Variants in KDM1B observed in about 807,000 individuals in gnomAD.
KDM1B encodes the protein lysine demethylase 1B, also known as lysine-specific histone demethylase 2.
A neutral mutation model predicts 107.4 loss-of-function variants in KDM1B; 63 were observed. That is an observed-to-expected ratio of 0.59 (90% CI 0.48 to 0.72). KDM1B has a LOEUF of 0.72. Ranked by LOEUF, KDM1B falls within the 30% of genes least tolerant of loss-of-function variation. The pLI is 0.00. For missense variants in KDM1B, 749 were observed against 1,020.8 expected, an observed-to-expected ratio of 0.73 and a Z score of 3.63; for synonymous variants, 363 against 363.9, an observed-to-expected ratio of 1.00 and a Z score of 0.03.
chr6:18,176,100 C>T (rs1785987031), intron 7 of KDM1B, among the ~76,000 whole-genome samples: 1 of 151,724 alleles, frequency 6.6e-6, no homozygotes, highest in South Asian at 2.1e-4. Context: ...CCGTGAGCAT[C>T]CATTTGTTTG....
chr6:18,222,330 G>C lies in KDM1B; in HGVS notation c.*338G>C, dbSNP rs577170883. The C allele has an allele frequency of 2.8e-4, 104 of 368,160 alleles. 1 individual carries two copies. Among genetic ancestry groups the C allele is most frequent in the Middle Eastern group, 2.4e-3 (3 of 1,262 alleles). 22.8% of individuals were successfully genotyped at this position (368,160 alleles called of 1,614,324 possible). On this transcript the variant is annotated 3_prime_UTR_variant, in exon 22 of 22. Coordinates refer to ENST00000650836, the MANE Select transcript of KDM1B (RefSeq NM_001364614.2). ...TTTAGATTTCACATTTTATATGGCT[G>C]ATCAATTTTCATACATTGAGAAACC...
chr6:18,223,081 A>G lies in KDM1B; in HGVS notation c.*1089A>G, dbSNP rs1789889613. On this transcript the variant is annotated 3_prime_UTR_variant, in exon 22 of 22. Transcript: ENST00000650836. ...CAGTTTAATAATATCTCATTCTAAAATAAAACACTGGTTGCAGGGTCTTCA... is the reference window on the plus strand; with the variant it reads ...CAGTTTAATAATATCTCATTCTAAAGTAAAACACTGGTTGCAGGGTCTTCA... 6.6e-6 allele frequency: 1 copy of G among 152,608 alleles called. No individual in the cohort carries two copies. Among genetic ancestry groups the G allele is most frequent in the African/African-American group, 2.4e-5 (1 of 41,436 alleles). The allele number at this position is 152,608 out of a possible 1,614,324, so 9.5% of individuals were successfully genotyped here.
intron 2 of KDM1B, among the ~76,000 whole-genome samples, chr6:18,157,725 A>G (rs1784714336): frequency 6.6e-6 from 1 of 151,498 alleles, no homozygotes; most frequent in Admixed American, 6.6e-5. Context: ...TGTGTCTATG[A>G]AGAGATTTGT....
chr6:18,163,753 T>C, intron 5 of KDM1B, among the ~76,000 whole-genome samples: 1 of 152,224 alleles, frequency 6.6e-6, no homozygotes. Context: ...GTTACTGATT[T>C]CTAGTTTAGT....
Position 18,170,412 on chromosome 6 carries a change from G to A in KDM1B, c.418-951G>A, listed in dbSNP as rs144344034. On this transcript the variant is annotated intron_variant, in intron 6 of 21. Transcript: ENST00000650836. ...TTCTTTTACTGTTCTAGGATCCAAC[G>A]CAGCATACCACATTGCATTTAGTAT... 1.6e-3 allele frequency among the ~76,000 whole-genome samples: 242 copies of A among 152,084 alleles called. 2 individuals carry two copies. The highest frequency in any genetic ancestry group is 5.0e-3 in the African/African-American group (207 of 41,466).
intron 7 of KDM1B, among the ~76,000 whole-genome samples, chr6:18,175,473 A>G (rs1272331503): frequency 6.6e-6 from 1 of 152,034 alleles, no homozygotes; most frequent in Non-Finnish European, 1.5e-5. Context: ...GCCTTGCAAA[A>G]GCTCTTTAAA....
rs202066348 is a variant in KDM1B, at chr6:18,214,992, C to T, written c.2110-15C>T. The T allele has an allele frequency of 3.1e-6, 5 of 1,613,074 alleles. No individual in the cohort carries two copies. Among genetic ancestry groups the T allele is most frequent in the Non-Finnish European group, 4.2e-6 (5 of 1,179,592 alleles). On this transcript the variant is annotated splice_polypyrimidine_tract_variant and intron_variant, in intron 19 of 21. Transcript: ENST00000650836. The surrounding 1 kb of genome is among the most constrained non-coding windows in gnomAD (Gnocchi z 4.4). ...AGCACTCACAGACCTCCTGCTTTTC[C>T]TTTCATGTCTCCAGAAGAAGCACAG...
intron 2 of KDM1B, among the ~76,000 whole-genome samples, chr6:18,156,556 AT>A (rs761617180): frequency 8.4e-4 from 128 of 152,236 alleles, no homozygotes; most frequent in Middle Eastern, 3.4e-3. Flanking sequence ...ACCATCAATA[AT>A]TATTTGCCTT....
chr6:18,219,815 C>T (rs1789539858), intron 21 of KDM1B, among the ~76,000 whole-genome samples: 1 of 152,288 alleles, frequency 6.6e-6, no homozygotes, highest in Non-Finnish European at 1.5e-5. Flanking sequence ...CAGTTAGTTT[C>T]CTGTGTGGTG....
At chr6:18,216,069 T>A (rs2151036783) in intron 20 of KDM1B, among the ~76,000 whole-genome samples, 1 of 152,320 alleles carries the variant, frequency 6.6e-6, no homozygotes, top group East Asian at 1.9e-4. Context: ...ATGTTGCTTA[T>A]TTTATTTCAT....
chr6:18,198,129 C>G (rs983411732), intron 12 of KDM1B, among the ~76,000 whole-genome samples: 5 of 152,058 alleles, frequency 3.3e-5, no homozygotes, highest in South Asian at 2.1e-4. Context: ...CTCCTGACCT[C>G]AAGTGATCTG....
Position 18,159,592 on chromosome 6 carries a change from T to TA in KDM1B, c.-13-290dup, listed in dbSNP as rs1179513078. Among the ~76,000 whole-genome samples, 1 of 152,130 alleles carries TA rather than the reference T, an allele frequency of 6.6e-6. No homozygotes were observed. The highest frequency in any genetic ancestry group is 2.4e-5 in the African/African-American group (1 of 41,424). On this transcript the variant is annotated intron_variant, in intron 2 of 21. Coordinates refer to ENST00000650836, the MANE Select transcript of KDM1B (RefSeq NM_001364614.2). This position sits in a 1 kb window ranked among gnomAD's most constrained non-coding sequence, Gnocchi z 4.5. ...TTTTATGTGTGAGAACACTGAGGCT[T>TA]AGAGAGGTTAAGAACTTGAAAATGG...
rs753495392 is a variant in KDM1B at position 18,197,677 on chromosome 6, C to T, written c.1221+16C>T. On this transcript the variant is annotated intron_variant, in intron 12 of 21. Transcript: ENST00000650836. This position sits in a 1 kb window ranked among gnomAD's most constrained non-coding sequence, Gnocchi z 4.5. ...TGGAATTAAGGTAGGATTTTGGGGACATGGAGTTAGAACAGATGGTTGACT... is the reference window on the plus strand; with the variant it reads ...TGGAATTAAGGTAGGATTTTGGGGATATGGAGTTAGAACAGATGGTTGACT... The T allele has an allele frequency of 6.2e-7, 1 of 1,604,778 alleles. No homozygotes were observed. Among genetic ancestry groups the T allele is most frequent in the South Asian group, 1.1e-5 (1 of 90,796 alleles).
intron 10 of KDM1B, among the ~76,000 whole-genome samples, chr6:18,196,377 T>C (rs1787653832): frequency 6.6e-6 from 1 of 152,194 alleles, no homozygotes; most frequent in Admixed American, 6.5e-5. Flanking sequence ...TAGTTTTATT[T>C]TTTAGTTTTT....
At chr6:18,189,079 C>T (rs756192358) in intron 9 of KDM1B, among the ~76,000 whole-genome samples, 18 of 152,168 alleles carry the variant, frequency 1.2e-4, no homozygotes, top group Non-Finnish European at 1.8e-4. Context: ...CCAGTGCACC[C>T]GGCCTGATTA....
chr6:18,199,956 G>A (rs570378636), intron 12 of KDM1B, among the ~76,000 whole-genome samples: 54 of 152,256 alleles, frequency 3.5e-4, no homozygotes, highest in Admixed American at 5.2e-4. Flanking sequence ...TCTGCTCCCT[G>A]CAGCCTCCAC....
Position 18,197,109 on chromosome 6 carries a change from T to C in KDM1B, c.1022T>C (p.Val341Ala). Residue 341 changes from valine to alanine, a missense_variant, in exon 11 of 22, where the codon GTG becomes GCG. By Grantham distance (64) the Val-to-Ala change is moderately conservative. Coordinates refer to ENST00000650836, the MANE Select transcript of KDM1B (RefSeq NM_001364614.2). This position sits in a 1 kb window ranked among gnomAD's most constrained non-coding sequence, Gnocchi z 4.5. ...CIPHIIVRGL[V>A]RIRCVQEVER... ...CCTCACATCATCGTCCGGGGTCTCG[T>C]GCGTATTCGATGCGTTCAGGAAGTG... 6.2e-7 allele frequency: 1 copy of C among 1,614,136 alleles called. No individual in the cohort carries two copies. The highest frequency in any genetic ancestry group is 1.1e-5 in the South Asian group (1 of 91,076).
intron 17 of KDM1B, among the ~76,000 whole-genome samples, chr6:18,210,991 C>A (rs1231805980): frequency 1.3e-5 from 2 of 152,038 alleles, no homozygotes; most frequent in Non-Finnish European, 2.9e-5. Context: ...CAGAGCAAGA[C>A]CCTGTCTCTT....
Position 18,188,019 on chromosome 6 carries a change from G to A in KDM1B, c.784+17G>A, listed in dbSNP as rs1169297578. The A allele has an allele frequency of 6.5e-7, 1 of 1,545,928 alleles. No homozygotes were observed. The highest frequency in any genetic ancestry group is 1.7e-4 in the Middle Eastern group (1 of 5,902). On this transcript the variant is annotated intron_variant, in intron 9 of 21. Coordinates refer to ENST00000650836, the MANE Select transcript of KDM1B (RefSeq NM_001364614.2). ...CCGTGCACGGTGAGAGCCATTCCTGGGACTCCCTGCTTTCTATTCCCCGCT... is the reference window on the plus strand; with the variant it reads ...CCGTGCACGGTGAGAGCCATTCCTGAGACTCCCTGCTTTCTATTCCCCGCT...
Sources: gnomAD v4.1 joint callset for allele counts (sites outside exome capture counted in the v4.1 genomes callset) on GRCh38, gnomAD v4.1.1 for gene constraint, Gnocchi (gnomAD v3.1) non-coding constraint, MANE v1.5 for transcripts, NCBI Gene and HGNC (gene_info 2026-07-23, HGNC 2026-07-21) for gene names.